JMJD1C: variants seen among roughly 807,000 people sequenced by gnomAD.
JMJD1C encodes jumonji domain containing 1C.
JMJD1C carries 31 observed loss-of-function variants against 245.3 expected under a neutral mutation model. That is an observed-to-expected ratio of 0.13 (90% confidence interval 0.09 to 0.17). JMJD1C has a LOEUF of 0.17. Among genes scored for constraint, JMJD1C ranks in the 10% least tolerant of loss-of-function variants. The pLI is 1.00. For missense variants in JMJD1C, 2,691 were observed against 3,000.2 expected (o/e 0.90, Z 2.41); for synonymous variants, 1,057 against 1,017.4 (o/e 1.04, Z -0.74).
chr10:63,326,728 A>T (rs1413945227), intron 2 of JMJD1C, among the ~76,000 whole-genome samples: 1 of 152,114 alleles, frequency 6.6e-6, no homozygotes, highest in Non-Finnish European at 1.5e-5. Context: ...AAAAATACAA[A>T]ATCAGCCTAG....
At chr10:63,296,495 C>T (rs367698329) in intron 2 of JMJD1C, among the ~76,000 whole-genome samples, 1 of 152,090 alleles carries the variant, frequency 6.6e-6, no homozygotes. Context: ...AAATCACTAA[C>T]CTAAACCAGA....
chr10:63,299,670 T>A (rs1393419331), intron 2 of JMJD1C, among the ~76,000 whole-genome samples: 1 of 152,184 alleles, frequency 6.6e-6, no homozygotes, highest in Non-Finnish European at 1.5e-5. Flanking sequence ...ATAAAAAAAC[T>A]ATTAATTGAT....
At chr10:63,285,656 A>C (rs1857900293) in intron 2 of JMJD1C, among the ~76,000 whole-genome samples, 1 of 152,072 alleles carries the variant, frequency 6.6e-6, no homozygotes, top group Non-Finnish European at 1.5e-5. Flanking sequence ...AAAAATATAA[A>C]AATTAGCTGG....
chr10:63,208,567 G>A lies in JMJD1C; in HGVS notation c.3102C>T (p.Pro1034=), dbSNP rs764496965. The change falls in exon 10 of 26, where the codon CCC becomes CCT. Residue 1034 remains proline, a synonymous_variant. Transcript: ENST00000399262. ...RILQESIDVA[P]FTTKIKGLEG... ...CAAGTCCCTTGATTTTAGTTGTAAAGGGAGCAACATCAATACTTTCTTGAA... is the reference window on the plus strand; with the variant it reads ...CAAGTCCCTTGATTTTAGTTGTAAAAGGAGCAACATCAATACTTTCTTGAA... 6.2e-7 allele frequency: 1 copy of A among 1,614,036 alleles called. No individual in the cohort carries two copies. Among genetic ancestry groups the A allele is most frequent in the Non-Finnish European group, 8.5e-7 (1 of 1,179,960 alleles).
intron 1 of JMJD1C, among the ~76,000 whole-genome samples, chr10:63,409,426 C>T (rs1467275652): frequency 6.6e-6 from 1 of 151,878 alleles, no homozygotes; most frequent in African/African-American, 2.4e-5. Flanking sequence ...TTCCTTAAAG[C>T]GGGGCAGGCA....
chr10:63,453,432 C>T (rs1387348624), intron 1 of JMJD1C, among the ~76,000 whole-genome samples: 1 of 152,146 alleles, frequency 6.6e-6, no homozygotes, highest in Non-Finnish European at 1.5e-5. Flanking sequence ...CATTAAAACA[C>T]TCTGATCTTG....
intron 18 of JMJD1C, 28 bp from the exon 19 acceptor site, chr10:63,186,411 T>TAA: frequency 6.6e-7 from 1 of 1,518,950 alleles, no homozygotes; most frequent in Non-Finnish European, 9.0e-7. Context: ...AAATAACAGT[T>TAA]AAAAGATATA....
At chr10:63,328,916 A>C (rs1397418975) in intron 2 of JMJD1C, among the ~76,000 whole-genome samples, 1 of 152,210 alleles carries the variant, frequency 6.6e-6, no homozygotes, top group African/African-American at 2.4e-5. Context: ...GGATTACACT[A>C]TCATTTCCAC....
rs757313937 is a variant in JMJD1C at position 63,214,092 on chromosome 10, C to T, written c.2075G>A (p.Arg692Gln). 17 of 1,614,112 alleles carry T rather than the reference C, an allele frequency of 1.1e-5. No individual in the cohort carries two copies. The highest frequency in any genetic ancestry group is 1.4e-5 in the Non-Finnish European group (16 of 1,179,994). ...CTTTGTAGTTTCTAATGTACTGCTT[C>T]GAGTAGGAATTGGATGAAAACTGCA... ...SRCSFHPIPTRSSTLETTKSP... is the reference protein window; with the variant it reads ...SRCSFHPIPTQSSTLETTKSP... The change falls in exon 8 of 26, where the codon CGA becomes CAA. Residue 692 changes from arginine (R) to glutamine (Q), a missense_variant. Transcript: ENST00000399262.
In JMJD1C at chr10:63,214,047, T is replaced by C. The variant is rs1225593130; in HGVS notation, c.2120A>G (p.Lys707Arg). 16 of 1,614,078 alleles carry C rather than the reference T, an allele frequency of 9.9e-6. No homozygotes were observed. Among genetic ancestry groups the C allele is most frequent in the Non-Finnish European group, 1.4e-5 (16 of 1,180,018 alleles). Reference sequence around the variant, plus strand: ...TCTGTAAACTGTAAAATGCTCATTTTTATCAATGATAAGAGGACTCTTTGT... The same window carrying C: ...TCTGTAAACTGTAAAATGCTCATTTCTATCAATGATAAGAGGACTCTTTGT... ...ETTKSPLIID[K>R]NEHFTVYRDP... The change falls in exon 8 of 26, where the codon AAA becomes AGA. Residue 707 changes from lysine to arginine, a missense_variant. Lys to Arg is a conservative substitution (Grantham distance 26). This residue lies in a region of JMJD1C where 1,562 missense variants were observed against 1,490.7 expected (regional missense o/e 1.05). Transcript: ENST00000399262.
intron 3 of JMJD1C, among the ~76,000 whole-genome samples, chr10:63,257,368 C>A (rs951921723): frequency 3.9e-5 from 6 of 152,124 alleles, no homozygotes; most frequent in Admixed American, 1.3e-4. Flanking sequence ...CTGAAAAGTT[C>A]TTTTAAGATA....
At chr10:63,307,153 G>A (rs189995929) in intron 2 of JMJD1C, among the ~76,000 whole-genome samples, 10 of 151,620 alleles carry the variant, frequency 6.6e-5, no homozygotes, top group African/African-American at 1.2e-4. Flanking sequence ...CTGAGGATTC[G>A]TCTAAAATTT....
chr10:63,237,795 G>A (rs1850921433), intron 3 of JMJD1C, among the ~76,000 whole-genome samples: 1 of 152,030 alleles, frequency 6.6e-6, no homozygotes, highest in Admixed American at 6.6e-5. Flanking sequence ...GAGTGTTTCA[G>A]ATTCTGGGGT....
intron 1 of JMJD1C, among the ~76,000 whole-genome samples, chr10:63,429,115 G>A (rs1388416264): frequency 1.3e-5 from 2 of 152,008 alleles, no homozygotes; most frequent in Admixed American, 6.6e-5. Context: ...CGGGTAGCTG[G>A]GATTACAAAC....
chr10:63,248,521 A>ATAG (rs1852569787), intron 3 of JMJD1C, among the ~76,000 whole-genome samples: 2 of 134,528 alleles, frequency 1.5e-5, no homozygotes, highest in Non-Finnish European at 3.1e-5. Context: ...ACCTCATCTC[A>ATAG]ATAGATAGAT....
intron 1 of JMJD1C, among the ~76,000 whole-genome samples, chr10:63,451,352 C>A (rs1382642831): frequency 1.3e-5 from 2 of 152,130 alleles, no homozygotes; most frequent in Non-Finnish European, 2.9e-5. Flanking sequence ...AGTTGAATAA[C>A]TCACACTTCC....
chr10:63,276,124 T>C lies in JMJD1C; in HGVS notation c.334-11360A>G, dbSNP rs192220723. 3.9e-4 allele frequency among the ~76,000 whole-genome samples: 60 copies of C among 152,226 alleles called. 1 individual carries two copies. The highest frequency in any genetic ancestry group is 1.4e-3 in the African/African-American group (58 of 41,550). ...ATTGGTAGGTACAAGCTCAGAGCCATTAACTGGTAGTCTTTGAAAAAAATC... is the reference window on the plus strand; with the variant it reads ...ATTGGTAGGTACAAGCTCAGAGCCACTAACTGGTAGTCTTTGAAAAAAATC... On this transcript the variant is annotated intron_variant, in intron 2 of 25. Coordinates refer to ENST00000399262, the MANE Select transcript of JMJD1C (RefSeq NM_032776.3).
chr10:63,306,059 T>C (rs7897326), intron 2 of JMJD1C, among the ~76,000 whole-genome samples: 100,969 of 151,946 alleles, frequency 0.66, 36,158 homozygotes, highest in Non-Finnish European at 0.81. Context: ...AGAAAAAGAC[T>C]TAGTCATTAG....
chr10:63,211,508 A>T (rs933446026), intron 8 of JMJD1C, among the ~76,000 whole-genome samples: 6 of 151,614 alleles, frequency 4.0e-5, no homozygotes, highest in Non-Finnish European at 7.4e-5. Flanking sequence ...CTTGGGAATG[A>T]TAAAAAGACT....
Sources: allele counts gnomAD v4.1 joint callset (sites outside exome capture counted in the v4.1 genomes callset), GRCh38; gene constraint gnomAD v4.1.1; regional missense constraint gnomAD v4.1.1; transcripts MANE v1.5; gene names NCBI Gene and HGNC (gene_info 2026-07-23, HGNC 2026-07-21).